Variants in ELL3 observed in about 807,000 individuals in gnomAD.
ELL3 encodes elongation factor for RNA polymerase II 3, also known as RNA polymerase II elongation factor ELL3.
A neutral mutation model predicts 58.5 loss-of-function variants in ELL3; 48 were observed. That is an observed-to-expected ratio of 0.82 (90% CI 0.65 to 1.04). The LOEUF is 1.04. Ranked by LOEUF, ELL3 falls within the 50% of genes least tolerant of loss-of-function variation. ELL3 has a pLI of 0.00. For missense variants in ELL3, 458 were observed against 478.4 expected (o/e 0.96, Z 0.40); for synonymous variants, 174 against 173.2 (o/e 1.00, Z -0.04).
At position 43,774,517 on chromosome 15, in the gene ELL3, A is replaced by G; in HGVS notation, c.825T>C (p.Asp275=). 1.2e-6 allele frequency: 2 copies of G among 1,614,190 alleles called. No homozygotes were observed. The highest frequency in any genetic ancestry group is 1.7e-6 in the Non-Finnish European group (2 of 1,180,034). ...TATCTTCAGGACTTGGGGATTCAGA[A>G]TCTAGGAAGGAAGCAAGAAAACACA... ...RLEHSSSVQE[D]SESPSPEDIP... Residue 275 remains aspartate, a splice_region_variant and synonymous_variant, in exon 8 of 11, where the codon GAT becomes GAC. Transcript: ENST00000319359.
At position 43,775,687 on chromosome 15, in the gene ELL3, T is replaced by A. The variant is rs140782164; in HGVS notation, c.483+35A>T. On this transcript the variant is annotated intron_variant, in intron 4 of 10. Transcript: ENST00000319359. ...TTGGACTTCAGGCTTTGCCCCACCT[T>A]ATCACAACTCCCTGCAATTTCTGGC... The A allele has an allele frequency of 2.4e-3, 3,853 of 1,614,046 alleles. 8 individuals carry two copies. The highest frequency in any genetic ancestry group is 3.0e-3 in the Non-Finnish European group (3,550 of 1,179,994).
rs199658589 is a variant in ELL3 at position 43,776,500 on chromosome 15, C to T, written c.168+9G>A. The T allele has an allele frequency of 1.3e-6, 2 of 1,562,978 alleles. No homozygotes were observed. The highest frequency in any genetic ancestry group is 1.7e-6 in the Non-Finnish European group (2 of 1,152,282). On this transcript the variant is annotated intron_variant, in intron 2 of 10. Transcript: ENST00000319359. Reference sequence around the variant, plus strand: ...TCACCTCGCTCACACACCCTGAGCTCGCACTTACCCCTCGGTGGCCTTGGA... The same window carrying T: ...TCACCTCGCTCACACACCCTGAGCTTGCACTTACCCCTCGGTGGCCTTGGA...
chr15:43,775,182 TCC>T, intron 6 of ELL3, 122 bp downstream of exon 6: 1 of 924,298 alleles, frequency 1.1e-6, no homozygotes, highest in Non-Finnish European at 1.6e-6. Flanking sequence ...AAAAAATTCC[TCC>T]CATATAACGA....
At chr15:43,775,972 A>G in intron 3 of ELL3, 49 bp from the exon 4 acceptor site, 1 of 1,611,582 alleles carries the variant, frequency 6.2e-7, no homozygotes. Context: ...CCTCTTAAGC[A>G]CCTCTCCACA....
At chr15:43,776,271 C>T in intron 2 of ELL3, 120 bp from the exon 3 acceptor site, 1 of 1,118,032 alleles carries the variant, frequency 8.9e-7, no homozygotes, top group Non-Finnish European at 1.3e-6. Flanking sequence ...GGCTTGTTAG[C>T]ACACCAGGTG....
chr15:43,776,839 C>T lies in ELL3; in HGVS notation c.63G>A (p.Arg21=), dbSNP rs745589351. Residue 21 remains arginine (R), a synonymous_variant, in exon 1 of 11, where the codon CGG becomes CGA. Coordinates refer to ENST00000319359, the MANE Select transcript of ELL3 (RefSeq NM_025165.3). ...TGAGCCTGAGCAGTAAGAGGCTAGT[C>T]CGGGCAGCTTGCGTGAAGCAGAGCC... ...QLRLCFTQAA[R]TSLLLLRLND... The T allele has an allele frequency of 1.2e-6, 2 of 1,612,192 alleles. No homozygotes were observed. The highest frequency in any genetic ancestry group is 1.7e-6 in the Non-Finnish European group (2 of 1,179,590).
chr15:43,776,008 C>T (rs749890034), intron 3 of ELL3, 31 bp downstream of exon 3: 17 of 1,612,956 alleles, frequency 1.1e-5, no homozygotes, highest in Admixed American at 1.7e-5. Context: ...TTCCACAAAC[C>T]CTTTCTTGCC....
At chr15:43,775,220 G>A in intron 6 of ELL3, 86 bp downstream of exon 6, 2 of 1,341,304 alleles carry the variant, frequency 1.5e-6, no homozygotes, top group Middle Eastern at 1.9e-4. Context: ...ATTTTAGCTT[G>A]ACTAAAAGTG....
chr15:43,776,710 G>T, intron 1 of ELL3, 60 bp downstream of exon 1: 1 of 1,563,980 alleles, frequency 6.4e-7, no homozygotes, highest in Non-Finnish European at 8.7e-7. Context: ...CTCCAGGGTC[G>T]CCGGCTGAGG....
intron 9 of ELL3, among the ~76,000 whole-genome samples, chr15:43,773,927 A>T (rs1367150242): frequency 6.6e-6 from 1 of 151,956 alleles, no homozygotes; most frequent in African/African-American, 2.4e-5. Context: ...GCTTTAGCCT[A>T]AGAGGTGGAG....
In ELL3 at chr15:43,774,657, ATCT is replaced by A. The variant is rs1322611105; in HGVS notation, c.759_761del (p.Glu253del). 2 of 1,614,044 alleles carry A rather than the reference ATCT, an allele frequency of 1.2e-6. No individual in the cohort carries two copies. The highest frequency in any genetic ancestry group is 1.7e-6 in the Non-Finnish European group (2 of 1,180,000). On this transcript the variant is annotated inframe_deletion, in exon 7 of 11. Coordinates refer to ENST00000319359, the MANE Select transcript of ELL3 (RefSeq NM_025165.3). ...CCATGTCCTCATCTTCTTGCTCCCA[ATCT>A]TCTCCCTCTTGTAAATCCTGATTGG...
At position 43,772,955 on chromosome 15, in the gene ELL3, A is replaced by T. The variant is rs1204902053; in HGVS notation, c.*161T>A. On this transcript the variant is annotated 3_prime_UTR_variant, in exon 11 of 11. Coordinates refer to ENST00000319359, the MANE Select transcript of ELL3 (RefSeq NM_025165.3). Reference sequence around the variant, plus strand: ...AGTGCCCATACCCTAAAAATTAATAATGAAAACCAAACCTCAAGAACCTAG... The same window carrying T: ...AGTGCCCATACCCTAAAAATTAATATTGAAAACCAAACCTCAAGAACCTAG... The T allele has an allele frequency of 1.5e-6, 1 of 650,212 alleles. No homozygotes were observed. Among genetic ancestry groups the T allele is most frequent in the East Asian group, 2.8e-5 (1 of 35,802 alleles). 40.3% of individuals were successfully genotyped at this position (650,212 alleles called of 1,614,324 possible).
chr15:43,776,654 G>C (rs1369563579), intron 1 of ELL3, 110 bp from the exon 2 acceptor site: 1 of 1,546,246 alleles, frequency 6.5e-7, no homozygotes, highest in East Asian at 2.4e-5. Flanking sequence ...TTGGAGAGGT[G>C]GGGAGGCCAG....
At position 43,773,051 on chromosome 15, in the gene ELL3, A is replaced by C; in HGVS notation, c.*65T>G. The C allele has an allele frequency of 1.4e-6, 2 of 1,404,720 alleles. No individual in the cohort carries two copies. The highest frequency in any genetic ancestry group is 2.7e-5 in the South Asian group (2 of 73,248). 87.0% of individuals were successfully genotyped at this position (1,404,720 alleles called of 1,614,324 possible). ...AAAAGCAGATAGTTGCATTCTATTTAGTTTATAGCTGCTTTGTTCCTTTGT... is the reference window on the plus strand; with the variant it reads ...AAAAGCAGATAGTTGCATTCTATTTCGTTTATAGCTGCTTTGTTCCTTTGT... On this transcript the variant is annotated 3_prime_UTR_variant, in exon 11 of 11. Transcript: ENST00000319359.
In ELL3 at chr15:43,774,669, T is replaced by C. The variant is rs113655030; in HGVS notation, c.750A>G (p.Gln250=). The change falls in exon 7 of 11, where the codon CAA becomes CAG. Residue 250 remains glutamine (Q), a synonymous_variant. Transcript: ENST00000319359. ...PLQGLTNQDL[Q]EGEDWEQEDE... is the part of the protein sequence containing the mutation. ...CTTCTTGCTCCCAATCTTCTCCCTCTTGTAAATCCTGATTGGTCAGGCCTT... is the reference window on the plus strand; with the variant it reads ...CTTCTTGCTCCCAATCTTCTCCCTCCTGTAAATCCTGATTGGTCAGGCCTT... 1 of 1,614,208 alleles carries C rather than the reference T, an allele frequency of 6.2e-7. No homozygotes were observed. The highest frequency in any genetic ancestry group is 8.5e-7 in the Non-Finnish European group (1 of 1,180,044).
In ELL3 at chr15:43,772,917, G is replaced by A; in HGVS notation, c.*199C>T. ...TTCCTAGACTCCTAGGCACAGCTAT[G>A]GAGTCTTTGCACAGTGCCCATACCC... On this transcript the variant is annotated 3_prime_UTR_variant, in exon 11 of 11. Coordinates refer to ENST00000319359, the MANE Select transcript of ELL3 (RefSeq NM_025165.3). The A allele has an allele frequency of 2.1e-6, 1 of 474,670 alleles. No homozygotes were observed. The highest frequency in any genetic ancestry group is 3.7e-6 in the Non-Finnish European group (1 of 272,928). The allele number at this position is 474,670 out of a possible 1,614,324, so 29.4% of individuals were successfully genotyped here.
Position 43,774,747 on chromosome 15 carries a change from T to G in ELL3, c.672A>C (p.Val224=), listed in dbSNP as rs1308217429. Residue 224 remains valine (V), a synonymous_variant, in exon 7 of 11, where the codon GTA becomes GTC. Coordinates refer to ENST00000319359, the MANE Select transcript of ELL3 (RefSeq NM_025165.3). ...TTCTGAACCTCTTTTCTTCCAGTTC[T>G]ACAGTGGCTACAGGCACTGAACGTT... The part of the protein sequence containing the change: ...DKKRSVPVAT[V]ELEEKRFRTL... The G allele has an allele frequency of 6.2e-7, 1 of 1,612,344 alleles. No individual in the cohort carries two copies. The highest frequency in any genetic ancestry group is 8.5e-7 in the Non-Finnish European group (1 of 1,179,436).
At position 43,775,316 on chromosome 15, in the gene ELL3, C is replaced by T. The variant is rs376311400; in HGVS notation, c.635G>A (p.Arg212His). The change falls in exon 6 of 11, where the codon CGT becomes CAT. Residue 212 changes from arginine (R) to histidine (H), a missense_variant. By Grantham distance (29) the Arg-to-His change is conservative (BLOSUM62 0). Coordinates refer to ENST00000319359, the MANE Select transcript of ELL3 (RefSeq NM_025165.3). ...QALPSSASRK[R>H]LDKKRSVPVA... ...GCCATTCTAACTTACCTTGTCCAGACGTTTCCGGCTGGCAGAGGAAGGCAG... is the reference window on the plus strand; with the variant it reads ...GCCATTCTAACTTACCTTGTCCAGATGTTTCCGGCTGGCAGAGGAAGGCAG... The T allele has an allele frequency of 9.3e-6, 15 of 1,612,114 alleles. No homozygotes were observed. The highest frequency in any genetic ancestry group is 2.2e-5 in the East Asian group (1 of 44,816).
chr15:43,775,691 A>G lies in ELL3; in HGVS notation c.483+31T>C, dbSNP rs754632661. 8.1e-6 allele frequency: 13 copies of G among 1,613,954 alleles called. No individual in the cohort carries two copies. The East Asian group carries it at 2.7e-4, about 33-fold the overall frequency. ...ACTTCAGGCTTTGCCCCACCTTATC[A>G]CAACTCCCTGCAATTTCTGGCCTCA... On this transcript the variant is annotated intron_variant, in intron 4 of 10. Transcript: ENST00000319359.
Sources: allele counts gnomAD v4.1 joint callset (sites outside exome capture counted in the v4.1 genomes callset), GRCh38; gene constraint gnomAD v4.1.1; transcripts MANE v1.5; gene names NCBI Gene and HGNC (gene_info 2026-07-23, HGNC 2026-07-21).